The following COBLL1 variants were observed in gnomAD, a reference collection of about 807,000 sequenced individuals.
The protein encoded by COBLL1 is cordon-bleu WH2 repeat protein like 1.
A neutral mutation model predicts 94.8 loss-of-function variants in COBLL1; 50 were observed. The ratio of observed to expected loss-of-function variants is 0.53; its 90% CI spans 0.42 to 0.67. The LOEUF is 0.67. COBLL1 is among the 30% of genes least tolerant of loss of function. The pLI is 0.00. For missense variants in COBLL1, 1,362 were observed against 1,348.7 expected (o/e 1.01, Z -0.15); for synonymous variants, 448 against 473.8 (o/e 0.95, Z 0.71).
At chr2:164,837,754 C>T (rs1293783389) in intron 2 of COBLL1, among the ~76,000 whole-genome samples, 1 of 151,938 alleles carries the variant, frequency 6.6e-6, no homozygotes, top group Non-Finnish European at 1.5e-5. Flanking sequence ...TCTTTTTTCT[C>T]GAAGGAAAAC....
intron 2 of COBLL1, among the ~76,000 whole-genome samples, chr2:164,801,469 A>AAAAAAT (rs1683797649): frequency 7.8e-6 from 1 of 128,152 alleles, no homozygotes; most frequent in African/African-American, 3.0e-5. Context: ...AAAAAAAAAA[A>AAAAAAT]GCTTAGCTAA....
chr2:164,817,375 AAAAG>A (rs980254553), intron 2 of COBLL1, among the ~76,000 whole-genome samples: 20 of 150,986 alleles, frequency 1.3e-4, no homozygotes, highest in African/African-American at 4.6e-4. Flanking sequence ...AAAAAAAAAA[AAAAG>A]AAGAAGAAGA....
At chr2:164,710,092 A>G (rs1558942438) in intron 7 of COBLL1, among the ~76,000 whole-genome samples, 1 of 152,206 alleles carries the variant, frequency 6.6e-6, no homozygotes, top group Non-Finnish European at 1.5e-5. Flanking sequence ...AGACTCTTGG[A>G]AAATAATTTC....
intron 7 of COBLL1, among the ~76,000 whole-genome samples, chr2:164,713,946 T>C (rs61465784): frequency 0.012 from 1,793 of 151,894 alleles, 39 homozygotes; most frequent in African/African-American, 0.041. Flanking sequence ...AATACTAGAG[T>C]TGGAAGAGAC....
intron 2 of COBLL1, among the ~76,000 whole-genome samples, chr2:164,768,331 CT>C (rs1481634676): frequency 6.6e-6 from 1 of 152,176 alleles, no homozygotes; most frequent in Non-Finnish European, 1.5e-5. Context: ...CTTGTCCAAC[CT>C]GTGGCCTGCA....
At chr2:164,823,423 C>T (rs1342485052) in intron 2 of COBLL1, among the ~76,000 whole-genome samples, 2 of 152,086 alleles carry the variant, frequency 1.3e-5, no homozygotes, top group African/African-American at 2.4e-5. Flanking sequence ...CCTGTTAAAT[C>T]GATCCCTGTC....
intron 2 of COBLL1, among the ~76,000 whole-genome samples, chr2:164,830,226 C>T (rs962510532): frequency 6.6e-6 from 1 of 152,162 alleles, no homozygotes; most frequent in South Asian, 2.1e-4. Context: ...TGTGTTCAAA[C>T]CCTTCCAAAT....
chr2:164,818,288 G>GTATGGATACA (rs1684917379), intron 2 of COBLL1, among the ~76,000 whole-genome samples: 1 of 147,604 alleles, frequency 6.8e-6, no homozygotes, highest in Non-Finnish European at 1.5e-5. Context: ...ATACATATAT[G>GTATGGATACA]TATGTATACA....
chr2:164,769,125 C>CT (rs1368902648), intron 2 of COBLL1, among the ~76,000 whole-genome samples: 1 of 152,076 alleles, frequency 6.6e-6, no homozygotes, highest in African/African-American at 2.4e-5. Context: ...CAGATACACA[C>CT]ATACTCTACC....
chr2:164,695,744 C>T lies in COBLL1; in HGVS notation c.1648G>A (p.Ala550Thr). 6.2e-7 allele frequency: 1 copy of T among 1,613,636 alleles called. No homozygotes were observed. Among genetic ancestry groups the T allele is most frequent in the East Asian group, 2.2e-5 (1 of 44,848 alleles). Residue 550 changes from alanine (A) to threonine (T), a missense_variant, in exon 12 of 14, where the codon GCC becomes ACC. Ala to Thr is a moderately conservative substitution (Grantham distance 58). Coordinates refer to ENST00000652658, the MANE Select transcript of COBLL1 (RefSeq NM_001365672.2). ...TCCATATCAATGTTGTTATTTTTGG[C>T]AACACCTTCTACATTGATTTCTGTT... ...KKTEINVEGV[A>T]KNNNIDMEVE...
chr2:164,821,472 T>C (rs1160847638), intron 2 of COBLL1, among the ~76,000 whole-genome samples: 1 of 152,212 alleles, frequency 6.6e-6, no homozygotes, highest in Non-Finnish European at 1.5e-5. Context: ...GTGGAAATTA[T>C]GTGATTACTG....
chr2:164,815,991 T>A (rs1684724557), intron 2 of COBLL1, among the ~76,000 whole-genome samples: 1 of 152,126 alleles, frequency 6.6e-6, no homozygotes, highest in South Asian at 2.1e-4. Context: ...GAGCAAGTGC[T>A]AATGTAGATA....
At chr2:164,664,142 C>A (rs1429547400) in intron 2 of COBLL1, among the ~76,000 whole-genome samples, 1 of 152,154 alleles carries the variant, frequency 6.6e-6, no homozygotes. Flanking sequence ...GCTTCCTGTT[C>A]TATCCCACTG....
chr2:164,829,286 C>A (rs988812483), intron 2 of COBLL1, among the ~76,000 whole-genome samples: 2 of 152,102 alleles, frequency 1.3e-5, no homozygotes, highest in African/African-American at 4.8e-5. Context: ...TGAATACAAG[C>A]GATCACAGCC....
intron 2 of COBLL1, chr2:164,800,559 G>A: frequency 1.4e-6 from 1 of 701,604 alleles, no homozygotes; most frequent in Non-Finnish European, 2.6e-6. Context: ...TCTCTCCTAG[G>A]CAGCATAAAA....
Position 164,839,983 on chromosome 2 carries a change from A to G in COBLL1, c.41+1173T>C, listed in dbSNP as rs762207591. On this transcript the variant is annotated intron_variant, in intron 2 of 13. Transcript: ENST00000652658. ...TTCCTCTATGTAAAAATTATACTAA[A>G]TATCTTTTAGATTAGTCATGTTGCT... 3.2e-4 allele frequency among the ~76,000 whole-genome samples: 48 copies of G among 152,352 alleles called. 1 individual carries two copies. Among genetic ancestry groups the G allele is most frequent in the Non-Finnish European group, 6.5e-4 (44 of 68,032 alleles).
At chr2:164,742,868 A>G (rs540663954) in intron 3 of COBLL1, among the ~76,000 whole-genome samples, 2 of 152,046 alleles carry the variant, frequency 1.3e-5, no homozygotes, top group African/African-American at 4.8e-5. Context: ...AGAGAGAGAG[A>G]GAGCGAGCGA....
chr2:164,736,797 T>A (rs186434667), intron 3 of COBLL1, among the ~76,000 whole-genome samples: 8 of 152,294 alleles, frequency 5.3e-5, no homozygotes. Flanking sequence ...ACGTACAATA[T>A]AATACCATAT....
chr2:164,666,340 T>C (rs1470957412), intron 1 of COBLL1, among the ~76,000 whole-genome samples: 6 of 152,120 alleles, frequency 3.9e-5, no homozygotes, highest in African/African-American at 1.4e-4. Flanking sequence ...TAAAAAACAA[T>C]GTACATACCT....
Sources: gnomAD v4.1 joint callset for allele counts (sites outside exome capture counted in the v4.1 genomes callset) on GRCh38, gnomAD v4.1.1 for gene constraint, MANE v1.5 for transcripts, NCBI Gene and HGNC (gene_info 2026-07-23, HGNC 2026-07-21) for gene names.